The following DPH6 variants were observed in gnomAD, a reference collection of about 807,000 sequenced individuals.
The protein encoded by DPH6 is diphthamine biosynthesis 6.
Under a neutral mutation model 38.2 loss-of-function variants are expected in DPH6, and 33 were observed. The observed-to-expected ratio is 0.86, with a 90% CI of 0.65 to 1.15. The LOEUF (loss-of-function observed/expected upper bound fraction) is 1.15. DPH6 is among the 50% of genes most tolerant of loss of function. The pLI is 0.00. For synonymous variants in DPH6, 108 were observed against 103.0 expected, an observed-to-expected ratio of 1.05 and a Z score of -0.30; for missense variants, 325 against 320.0, an observed-to-expected ratio of 1.02 and a Z score of -0.12.
intron 3 of DPH6, among the ~76,000 whole-genome samples, chr15:35,340,214 G>A (rs982492806): frequency 6.6e-6 from 1 of 151,664 alleles, no homozygotes; most frequent in African/African-American, 2.4e-5. Context: ...GAGTTTTTTG[G>A]TTTTCCATTT....
At position 35,393,610 on chromosome 15, in the gene DPH6, C is replaced by T. The variant is rs1028501294; in HGVS notation, c.568-11694G>A. Among the ~76,000 whole-genome samples the T allele has an allele frequency of 2.0e-5, 3 of 152,200 alleles. No homozygotes were observed. The South Asian group carries it at 6.2e-4, about 32-fold the overall frequency. On this transcript the variant is annotated intron_variant, in intron 6 of 8. Transcript: ENST00000256538. The stretch of plus-strand genomic sequence containing the variant: ...CTGTATCCTTGTGTAACATTCCTTT[C>T]CTCTGGGTGTAGAGAGGATGGCTCC...
chr15:35,198,915 T>G, the DPH6 span, among the ~76,000 whole-genome samples: 5 of 152,064 alleles, frequency 3.3e-5, no homozygotes, highest in African/African-American at 7.2e-5. Flanking sequence ...ATTTGTTGTC[T>G]TCTTCTTTTT....
chr15:35,412,005 C>G (rs923177940), intron 5 of DPH6, among the ~76,000 whole-genome samples: 1 of 151,538 alleles, frequency 6.6e-6, no homozygotes. Context: ...AATTAATAAG[C>G]TGACTTCATT....
intron 3 of DPH6, among the ~76,000 whole-genome samples, chr15:35,310,134 T>C (rs1353179677): frequency 2.0e-5 from 3 of 152,234 alleles, no homozygotes; most frequent in Non-Finnish European, 4.4e-5. Flanking sequence ...CAGCACCACT[T>C]AATTTTGTAG....
intron 1 of DPH6, among the ~76,000 whole-genome samples, chr15:35,542,860 T>C (rs1184000941): frequency 3.5e-5 from 5 of 143,238 alleles, no homozygotes; most frequent in Non-Finnish European, 4.5e-5. Flanking sequence ...ATATGAAATA[T>C]ATATATTCTA....
chr15:35,289,810 A>C (rs1037833208), intron 3 of DPH6, among the ~76,000 whole-genome samples: 2 of 152,232 alleles, frequency 1.3e-5, no homozygotes, highest in Non-Finnish European at 2.9e-5. Flanking sequence ...CATGTAATGC[A>C]CTAAAATTGA....
At chr15:35,378,399 C>T (rs1464368549) in intron 7 of DPH6, among the ~76,000 whole-genome samples, 1 of 152,166 alleles carries the variant, frequency 6.6e-6, no homozygotes, top group African/African-American at 2.4e-5. Flanking sequence ...TTAGTTCAAC[C>T]ATTATGGAAG....
At chr15:35,388,165 A>G (rs2052998147) in intron 6 of DPH6, among the ~76,000 whole-genome samples, 1 of 152,164 alleles carries the variant, frequency 6.6e-6, no homozygotes, top group South Asian at 2.1e-4. Context: ...CATATGTTGA[A>G]CCAGCCTTGC....
chr15:35,346,628 T>A (rs1409498746), intron 3 of DPH6, among the ~76,000 whole-genome samples: 1 of 152,130 alleles, frequency 6.6e-6, no homozygotes, highest in Non-Finnish European at 1.5e-5. Flanking sequence ...TAATTTCTTA[T>A]TTTAACCTTT....
intron 3 of DPH6, among the ~76,000 whole-genome samples, chr15:35,341,051 T>A (rs112953437): frequency 7.9e-5 from 12 of 152,330 alleles, no homozygotes; most frequent in African/African-American, 2.9e-4. Context: ...ATTCCATAAT[T>A]CTTGGAGGTT....
chr15:35,400,755 C>T (rs531198939), intron 6 of DPH6: 209 of 746,532 alleles, frequency 2.8e-4, no homozygotes, highest in Admixed American at 6.4e-4. Flanking sequence ...GAGGGTTGAG[C>T]TTGGAAACAA....
In DPH6 at chr15:35,453,727, A is replaced by G. The variant is rs529625077; in HGVS notation, c.386+1020T>C. ...GCTTTACCTTGTTTTCCCTTCATTC[A>G]CTCTTAAAATTCTGTATTTTTTTTA... On this transcript the variant is annotated intron_variant, in intron 4 of 8. Transcript: ENST00000256538. 2.0e-5 allele frequency among the ~76,000 whole-genome samples: 3 copies of G among 152,006 alleles called. No individual in the cohort carries two copies. In the South Asian group the frequency reaches 6.2e-4, roughly 32 times the overall value.
intron 3 of DPH6, among the ~76,000 whole-genome samples, chr15:35,362,646 A>G (rs2052623093): frequency 6.6e-6 from 1 of 152,194 alleles, no homozygotes; most frequent in Non-Finnish European, 1.5e-5. Context: ...CAGTCCCTTT[A>G]GTCATTGCCC....
the DPH6 span, among the ~76,000 whole-genome samples, chr15:35,176,414 T>C: frequency 6.6e-6 from 1 of 152,172 alleles, no homozygotes; most frequent in Admixed American, 6.5e-5. Context: ...CTTTTATCTT[T>C]TATCTTCATT....
intron 3 of DPH6, among the ~76,000 whole-genome samples, chr15:35,470,885 C>T (rs2054190372): frequency 6.6e-6 from 1 of 151,956 alleles, no homozygotes; most frequent in South Asian, 2.1e-4. Context: ...TTCAAAAATA[C>T]CTCCAAAATT....
chr15:35,424,412 T>G (rs576560637), intron 5 of DPH6, among the ~76,000 whole-genome samples: 4 of 151,434 alleles, frequency 2.6e-5, no homozygotes, highest in Non-Finnish European at 4.4e-5. Context: ...TGATTTTATA[T>G]TCTGCAACTT....
chr15:35,429,220 C>T (rs2053603854), intron 5 of DPH6, among the ~76,000 whole-genome samples: 2 of 152,132 alleles, frequency 1.3e-5, no homozygotes, highest in Admixed American at 1.3e-4. Context: ...ACCACAGACA[C>T]ATATTAAGCA....
intron 3 of DPH6, among the ~76,000 whole-genome samples, chr15:35,262,742 C>CTTAATGAA (rs2051757745): frequency 7.4e-6 from 1 of 134,954 alleles, no homozygotes; most frequent in Non-Finnish European, 1.5e-5. Flanking sequence ...AAAAAGATAT[C>CTTAATGAA]TTAATGAATA....
At chr15:35,169,330 A>G in the DPH6 span, among the ~76,000 whole-genome samples, 1 of 152,162 alleles carries the variant, frequency 6.6e-6, no homozygotes, top group South Asian at 2.1e-4. Context: ...TAAAGCTGCC[A>G]CAGGATGGTG....
Sources: allele counts gnomAD v4.1 joint callset (sites outside exome capture counted in the v4.1 genomes callset), GRCh38; gene constraint gnomAD v4.1.1; transcripts MANE v1.5; gene names NCBI Gene and HGNC (gene_info 2026-07-23, HGNC 2026-07-21).